GPM6A: variants seen among roughly 807,000 people sequenced by gnomAD.
The protein encoded by GPM6A is neuronal membrane glycoprotein M6-a.
In GPM6A, 7 loss-of-function variants were observed where a neutral mutation model predicts 32.1. The observed-to-expected ratio is 0.22, with a 90% CI of 0.12 to 0.41. GPM6A has a LOEUF of 0.41. Ranked by LOEUF, GPM6A falls within the 10% of genes least tolerant of loss-of-function variation. The pLI is 1.00. For synonymous variants in GPM6A, 130 were observed against 123.4 expected (o/e 1.05, Z -0.35); for missense variants, 235 against 347.2 (o/e 0.68, Z 2.57).
chr4:175,811,206 C>T lies in GPM6A; in HGVS notation c.37+985G>A, dbSNP rs141600957. On this transcript the variant is annotated intron_variant, in intron 1 of 6. Transcript: ENST00000393658. ...TTATCACATAAAATACAGTTTTTTACGATAAGTGCCTTTATATACATTTGA... is the reference window on the plus strand; with the variant it reads ...TTATCACATAAAATACAGTTTTTTATGATAAGTGCCTTTATATACATTTGA... Among the ~76,000 whole-genome samples, 344 of 152,180 alleles carry T rather than the reference C, an allele frequency of 2.3e-3. 1 individual carries two copies. The highest frequency in any genetic ancestry group is 3.9e-3 in the Non-Finnish European group (267 of 68,008).
intron 1 of GPM6A, among the ~76,000 whole-genome samples, chr4:175,835,362 C>T (rs1735732700): frequency 6.6e-6 from 1 of 152,038 alleles, no homozygotes; most frequent in Non-Finnish European, 1.5e-5. Context: ...CTTGGGGAAC[C>T]AGACAGAGAT....
intron 1 of GPM6A, among the ~76,000 whole-genome samples, chr4:175,898,983 C>T (rs908757352): frequency 3.3e-5 from 5 of 152,170 alleles, no homozygotes; most frequent in African/African-American, 1.2e-4. Context: ...TTTCCATGCT[C>T]ATGGAACTGA....
intron 1 of GPM6A, among the ~76,000 whole-genome samples, chr4:175,932,098 G>GAAAAAAAAAA (rs545004795): frequency 1.8e-5 from 2 of 108,404 alleles, no homozygotes; most frequent in Non-Finnish European, 3.9e-5. Context: ...TTGCCTCTAG[G>GAAAAAAAAAA]AAAAAAAAAA....
intron 1 of GPM6A, among the ~76,000 whole-genome samples, chr4:175,788,362 G>A (rs1560933394): frequency 1.3e-5 from 2 of 152,126 alleles, no homozygotes; most frequent in African/African-American, 4.8e-5. Context: ...TGAAATCAAG[G>A]AAAACAGTCA....
intron 1 of GPM6A, among the ~76,000 whole-genome samples, chr4:175,840,222 A>C (rs1360503255): frequency 1.3e-5 from 2 of 152,216 alleles, no homozygotes; most frequent in African/African-American, 4.8e-5. Context: ...CCTCATTTGA[A>C]AATCTGGGGG....
chr4:175,874,869 G>T (rs1395603023), intron 1 of GPM6A, among the ~76,000 whole-genome samples: 1 of 152,072 alleles, frequency 6.6e-6, no homozygotes, highest in Non-Finnish European at 1.5e-5. Flanking sequence ...CTGCAGAGAA[G>T]GAAAATATAA....
In GPM6A at chr4:175,860,803, A is replaced by G. The variant is rs1023963951; in HGVS notation, c.-22-48554T>C. On this transcript the variant is annotated intron_variant, in intron 1 of 7. Coordinates refer to the GPM6A transcript ENST00000280187. ...GAAAATCTTTCCTTAATGGTCAGCT[A>G]CTATGTTTAAGCAGATGGCTATTTT... 2.6e-5 allele frequency among the ~76,000 whole-genome samples: 4 copies of G among 152,168 alleles called. No individual in the cohort carries two copies. The South Asian group carries it at 6.2e-4, about 24-fold the overall frequency.
chr4:175,945,117 C>T (rs565799342), intron 1 of GPM6A, among the ~76,000 whole-genome samples: 26 of 151,898 alleles, frequency 1.7e-4, no homozygotes, highest in East Asian at 5.8e-4. Flanking sequence ...GACTCTGTGA[C>T]GAAGCCAAGT....
intron 1 of GPM6A, among the ~76,000 whole-genome samples, chr4:175,985,094 C>G (rs1740935027): frequency 6.6e-6 from 1 of 152,060 alleles, no homozygotes; most frequent in African/African-American, 2.4e-5. Flanking sequence ...ATCTCTTTTC[C>G]TTACAGAATT....
chr4:175,868,000 T>A (rs1232650491), intron 1 of GPM6A, among the ~76,000 whole-genome samples: 1 of 152,244 alleles, frequency 6.6e-6, no homozygotes. Flanking sequence ...TGATATTTAC[T>A]GTGGGAACCA....
intron 1 of GPM6A, among the ~76,000 whole-genome samples, chr4:175,727,255 TA>T (rs1731207026): frequency 6.6e-6 from 1 of 152,180 alleles, no homozygotes; most frequent in African/African-American, 2.4e-5. Flanking sequence ...GAAGCAGTAC[TA>T]GGCTTCACAA....
chr4:175,784,112 G>A (rs1560931144), intron 1 of GPM6A, among the ~76,000 whole-genome samples: 3 of 152,050 alleles, frequency 2.0e-5, no homozygotes, highest in Non-Finnish European at 2.9e-5. Flanking sequence ...AATAAATAAG[G>A]TGGATAATAT....
chr4:175,830,490 C>A (rs556448931), intron 1 of GPM6A, among the ~76,000 whole-genome samples: 1 of 152,144 alleles, frequency 6.6e-6, no homozygotes, highest in Non-Finnish European at 1.5e-5. Flanking sequence ...CATATATCAT[C>A]CCATTTAATC....
At chr4:175,933,650 C>T (rs1739126279) in intron 1 of GPM6A, among the ~76,000 whole-genome samples, 2 of 152,180 alleles carry the variant, frequency 1.3e-5, no homozygotes, top group African/African-American at 2.4e-5. Context: ...TCATGCCATT[C>T]TTCTGCCTCA....
intron 1 of GPM6A, among the ~76,000 whole-genome samples, chr4:175,995,376 TAA>T (rs10541049): frequency 0.029 from 2,817 of 96,240 alleles, 36 homozygotes; most frequent in African/African-American, 0.05. Flanking sequence ...TTTCAATTTG[TAA>T]AAAAAAAAAA....
At chr4:175,940,567 A>C (rs1739373831) in intron 1 of GPM6A, among the ~76,000 whole-genome samples, 1 of 152,166 alleles carries the variant, frequency 6.6e-6, no homozygotes, top group Non-Finnish European at 1.5e-5. Context: ...AGTAAAAGTG[A>C]ATAGAAATAC....
At chr4:175,826,589 G>C (rs1031449758) in intron 1 of GPM6A, among the ~76,000 whole-genome samples, 1 of 152,178 alleles carries the variant, frequency 6.6e-6, no homozygotes, top group Non-Finnish European at 1.5e-5. Context: ...TGGTAGAAGA[G>C]GGTGCTAATA....
At chr4:175,810,033 T>TA (rs1734852985) in intron 1 of GPM6A, among the ~76,000 whole-genome samples, 1 of 152,108 alleles carries the variant, frequency 6.6e-6, no homozygotes, top group African/African-American at 2.4e-5. Flanking sequence ...TTTAAGAAAA[T>TA]CCTATGCAGT....
intron 1 of GPM6A, among the ~76,000 whole-genome samples, chr4:175,839,236 G>T (rs1283389365): frequency 2.0e-5 from 3 of 152,054 alleles, no homozygotes; most frequent in Non-Finnish European, 4.4e-5. Context: ...TGAACCAGAA[G>T]AAAACAAATA....
Sources: gnomAD v4.1 joint callset for allele counts (sites outside exome capture counted in the v4.1 genomes callset) on GRCh38, gnomAD v4.1.1 for gene constraint, MANE v1.5 for transcripts, NCBI Gene and HGNC (gene_info 2026-07-23, HGNC 2026-07-21) for gene names.